Variants in SNX2 observed in about 807,000 individuals in gnomAD.
SNX2 encodes the protein sorting nexin-2.
Under a neutral mutation model 69.9 loss-of-function variants are expected in SNX2, and 25 were observed. That is an observed-to-expected ratio of 0.36 (90% CI 0.26 to 0.50). SNX2 has a LOEUF of 0.50. Ranked by LOEUF, SNX2 falls within the 20% of genes least tolerant of loss-of-function variation. The pLI is 0.97. For missense variants in SNX2, 551 were observed against 613.3 expected (o/e 0.90, Z 1.07); for synonymous variants, 229 against 200.4 (o/e 1.14, Z -1.20).
intron 1 of SNX2, among the ~76,000 whole-genome samples, chr5:122,790,420 C>T (rs749761496): frequency 1.5e-4 from 23 of 151,958 alleles, no homozygotes; most frequent in Admixed American, 8.5e-4. Flanking sequence ...CGTGCCTGGC[C>T]GAGGAGGATC....
intron 1 of SNX2, among the ~76,000 whole-genome samples, chr5:122,781,608 C>T (rs1469100535): frequency 6.6e-6 from 1 of 152,102 alleles, no homozygotes; most frequent in Non-Finnish European, 1.5e-5. Context: ...GTGGCTGTAC[C>T]ATTTTGCATT....
At chr5:122,790,613 G>T (rs1016754959) in intron 1 of SNX2, among the ~76,000 whole-genome samples, 4 of 152,162 alleles carry the variant, frequency 2.6e-5, no homozygotes, top group African/African-American at 9.7e-5. Context: ...GTCAGAAGTG[G>T]GGGAGGAAGA....
At chr5:122,796,533 A>G (rs1753381958) in intron 2 of SNX2, among the ~76,000 whole-genome samples, 1 of 152,208 alleles carries the variant, frequency 6.6e-6, no homozygotes, top group African/African-American at 2.4e-5. Context: ...CAAAGTTGTA[A>G]TATTTCAGTA....
At position 122,815,975 on chromosome 5, in the gene SNX2, T is replaced by C. The variant is rs376771714; in HGVS notation, c.798+4T>C. On this transcript the variant is annotated splice_donor_region_variant and intron_variant, in intron 8 of 14. Transcript: ENST00000379516. ...GCAGTTCTTGGAAAGTTCAGAGGTA[T>C]TATTTCTATATTAAATGTTTGTATA... The C allele has an allele frequency of 7.8e-6, 12 of 1,536,078 alleles. No homozygotes were observed. Among genetic ancestry groups the C allele is most frequent in the African/African-American group, 1.4e-5 (1 of 73,056 alleles).
chr5:122,796,084 A>G (rs972516862), intron 2 of SNX2, among the ~76,000 whole-genome samples: 1 of 152,154 alleles, frequency 6.6e-6, no homozygotes, highest in Non-Finnish European at 1.5e-5. Context: ...CTTAATATGG[A>G]TGGATTCTTT....
chr5:122,825,351 T>A (rs1048264469), intron 11 of SNX2, among the ~76,000 whole-genome samples: 1 of 152,120 alleles, frequency 6.6e-6, no homozygotes, highest in Non-Finnish European at 1.5e-5. Context: ...TGTCCATATT[T>A]CATTTCTTTT....
intron 6 of SNX2, among the ~76,000 whole-genome samples, chr5:122,806,142 G>GCGCACGCGCGCGCGCACACA: frequency 7.7e-6 from 1 of 130,584 alleles, no homozygotes; most frequent in Non-Finnish European, 1.6e-5. Flanking sequence ...ACACGCGCGC[G>GCGCACGCGCGCGCGCACACA]CACACACACA....
chr5:122,823,738 C>T (rs936973643), intron 11 of SNX2, among the ~76,000 whole-genome samples: 2 of 121,220 alleles, frequency 1.6e-5, no homozygotes, highest in Non-Finnish European at 3.5e-5. Context: ...GTGTGTGTGT[C>T]GGAAGTGAGA....
At chr5:122,802,402 G>T (rs1175882311) in intron 5 of SNX2, among the ~76,000 whole-genome samples, 1 of 152,172 alleles carries the variant, frequency 6.6e-6, no homozygotes, top group East Asian at 1.9e-4. Flanking sequence ...GAATGCTTGT[G>T]CCAGGTGAGG....
At chr5:122,816,059 G>T in intron 8 of SNX2, 88 bp downstream of exon 8, 1 of 577,142 alleles carries the variant, frequency 1.7e-6, no homozygotes, top group Non-Finnish European at 2.9e-6. Context: ...AAATAATTGA[G>T]TTAATAGATG....
At chr5:122,781,514 C>T (rs1253637016) in intron 1 of SNX2, among the ~76,000 whole-genome samples, 1 of 152,138 alleles carries the variant, frequency 6.6e-6, no homozygotes, top group Non-Finnish European at 1.5e-5. Flanking sequence ...AGTTTTGCAG[C>T]GTACATACCT....
chr5:122,794,637 T>G (rs1416750686), intron 1 of SNX2, among the ~76,000 whole-genome samples: 1 of 152,210 alleles, frequency 6.6e-6, no homozygotes, highest in Non-Finnish European at 1.5e-5. Context: ...GTCGTTTTGG[T>G]TCTATTGTAT....
At chr5:122,819,346 C>T (rs934193585) in intron 11 of SNX2, among the ~76,000 whole-genome samples, 2 of 152,116 alleles carry the variant, frequency 1.3e-5, no homozygotes, top group African/African-American at 2.4e-5. Flanking sequence ...AACTACTCAC[C>T]GGACTCTATT....
At chr5:122,821,580 G>A (rs1347509965) in intron 11 of SNX2, among the ~76,000 whole-genome samples, 1 of 151,426 alleles carries the variant, frequency 6.6e-6, no homozygotes, top group Non-Finnish European at 1.5e-5. Context: ...TCAGCCTTCC[G>A]AGTAGCTGGG....
intron 1 of SNX2, among the ~76,000 whole-genome samples, chr5:122,793,947 A>G (rs767854637): frequency 6.6e-6 from 1 of 150,508 alleles, no homozygotes; most frequent in South Asian, 2.1e-4. Flanking sequence ...GGTTTTAACT[A>G]TTGTAATACG....
intron 12 of SNX2, chr5:122,826,662 TTA>T: frequency 1.0e-6 from 1 of 973,268 alleles, no homozygotes; most frequent in Non-Finnish European, 1.2e-6. Context: ...AGGACAACCT[TTA>T]TGTTACTAAA....
At chr5:122,801,781 C>T in intron 3 of SNX2, 88 bp from the exon 4 acceptor site, 2 of 832,006 alleles carry the variant, frequency 2.4e-6, no homozygotes, top group East Asian at 2.7e-5. Flanking sequence ...GACAGTGACT[C>T]TTACAGAAAA....
intron 1 of SNX2, among the ~76,000 whole-genome samples, chr5:122,793,230 A>T (rs1753285201): frequency 6.6e-6 from 1 of 152,232 alleles, no homozygotes; most frequent in African/African-American, 2.4e-5. Context: ...CTAAGTGCTT[A>T]TTAACACTAG....
intron 1 of SNX2, among the ~76,000 whole-genome samples, chr5:122,786,464 A>G (rs7729834): frequency 0.81 from 122,926 of 151,634 alleles, 50,702 homozygotes; most frequent in East Asian, 0.99. Context: ...TTTATCTACT[A>G]TGTATTTGTT....
Sources: gnomAD v4.1 joint callset for allele counts (sites outside exome capture counted in the v4.1 genomes callset) on GRCh38, gnomAD v4.1.1 for gene constraint, MANE v1.5 for transcripts, NCBI Gene and HGNC (gene_info 2026-07-23, HGNC 2026-07-21) for gene names.